GDF7: variants seen among roughly 807,000 people sequenced by gnomAD.
GDF7 encodes the protein growth differentiation factor 7.
Under a neutral mutation model 13.4 loss-of-function variants are expected in GDF7, and 12 were observed. The observed-to-expected ratio is 0.90, with a 90% CI of 0.57 to 1.45. The LOEUF (loss-of-function observed/expected upper bound fraction) is 1.45, where lower values mean the gene tolerates loss of function less well. Ranked by LOEUF, GDF7 falls within the 40% of genes most tolerant of loss-of-function variation. The pLI, the probability that GDF7 is intolerant of heterozygous loss-of-function variation, is 0.00. For missense variants in GDF7, 651 were observed against 652.4 expected (o/e 1.00, Z 0.02); for synonymous variants, 330 against 306.4 (o/e 1.08, Z -0.80).
At chr2:20,670,289 A>G (rs542555700) in intron 1 of GDF7, among the ~76,000 whole-genome samples, 175 bp from the exon 2 acceptor site, 2 of 152,310 alleles carry the variant, frequency 1.3e-5, no homozygotes, top group South Asian at 4.1e-4. Context: ...GCTCTGGGCC[A>G]GGCTGGCAGC....
Position 20,671,089 on chromosome 2 carries a change from G to A in GDF7, c.1017G>A (p.Arg339=). Reference sequence around the variant, plus strand: ...AGGGCAGCGGCGGGGGCGCGGGCCGGGGCCACGGGCGCAGGGGCCGGAGCC... The same window carrying A: ...AGGGCAGCGGCGGGGGCGCGGGCCGAGGCCACGGGCGCAGGGGCCGGAGCC... ...TAQGSGGGAG[R]GHGRRGRSRC... is the part of the protein sequence containing the mutation. Residue 339 remains arginine (R), a synonymous_variant, in exon 2 of 2, where the codon CGG becomes CGA. Coordinates refer to ENST00000272224, the MANE Select transcript of GDF7 (RefSeq NM_182828.4). 2 of 1,546,222 alleles carry A rather than the reference G, an allele frequency of 1.3e-6. No individual in the cohort carries two copies. Among genetic ancestry groups the A allele is most frequent in the Non-Finnish European group, 1.7e-6 (2 of 1,147,304 alleles).
rs1288772264 is a variant in GDF7, at chr2:20,667,358, C to T, written c.119C>T (p.Pro40Leu). 33 of 344,344 alleles carry T rather than the reference C, an allele frequency of 9.6e-5. No homozygotes were observed. The highest frequency in any genetic ancestry group is 1.0e-4 in the Non-Finnish European group (31 of 296,790). The allele number at this position is 344,344 out of a possible 1,614,324, so 21.3% of individuals were successfully genotyped here. Residue 40 changes from proline (P) to leucine (L), a missense_variant, in exon 1 of 2, where the codon CCA becomes CTA. Physicochemically the swap from Pro to Leu is moderately conservative, Grantham distance 98. Around this residue, in one of 4 missense-constraint regions of GDF7, gnomAD observed 61 missense variants for 50.5 expected, o/e 1.21. Transcript: ENST00000272224. The surrounding 1 kb of genome is among the most constrained non-coding windows in gnomAD (Gnocchi z 6.4). ...RAAGAGPVRS[P>L]GGGGGGGGGG... The stretch of plus-strand genomic sequence containing the variant: ...GCGGGGGCTGGGCCGGTCCGGAGCC[C>T]AGGGGGCGGCGGCGGCGGCGGCGGC...
At position 20,671,154 on chromosome 2, in the gene GDF7, T is replaced by C; in HGVS notation, c.1082T>C (p.Leu361Pro). The C allele has an allele frequency of 6.2e-7, 1 of 1,612,548 alleles. No homozygotes were observed. Among genetic ancestry groups the C allele is most frequent in the Non-Finnish European group, 8.5e-7 (1 of 1,179,704 alleles). The change falls in exon 2 of 2, where the codon CTC becomes CCC. Residue 361 changes from leucine to proline, a missense_variant. By Grantham distance (98) the Leu-to-Pro change is moderately conservative. Transcript: ENST00000272224. ...CCGTTGCACGTGGACTTCAAGGAGCTCGGCTGGGACGACTGGATCATCGCG... is the reference window on the plus strand; with the variant it reads ...CCGTTGCACGTGGACTTCAAGGAGCCCGGCTGGGACGACTGGATCATCGCG... Reference protein sequence around the residue: ...RKPLHVDFKELGWDDWIIAPL... With the variant: ...RKPLHVDFKEPGWDDWIIAPL...
rs1662194376 is a variant in GDF7 at position 20,674,959 on chromosome 2, A to G, written c.*3534A>G. The G allele has an allele frequency of 6.6e-6, 1 of 152,302 alleles. No homozygotes were observed. Among genetic ancestry groups the G allele is most frequent in the South Asian group, 2.1e-4 (1 of 4,836 alleles). 9.4% of individuals were successfully genotyped at this position (152,302 alleles called of 1,614,324 possible). A position where few individuals can be genotyped will look rare whatever the true frequency, so the allele number is the denominator to read the frequency against. The stretch of plus-strand genomic sequence containing the variant: ...TGGCAATTTCATTTAAACTCACAGC[A>G]GAAAACAACCAGGATTTGTAGACTG... On this transcript the variant is annotated 3_prime_UTR_variant, in exon 2 of 2. Transcript: ENST00000272224.
chr2:20,667,314 G>A lies in GDF7; in HGVS notation c.75G>A (p.Ala25=). Residue 25 remains alanine (A), a synonymous_variant, in exon 1 of 2, where the codon GCG becomes GCA. Coordinates refer to ENST00000272224, the MANE Select transcript of GDF7 (RefSeq NM_182828.4). The surrounding 1 kb of genome is among the most constrained non-coding windows in gnomAD (Gnocchi z 6.4). The part of the protein sequence containing the change: ...SACRPRDGLE[A]AAVLRAAGAG... Reference sequence around the variant, plus strand: ...GCCGCCCCCGCGACGGGCTGGAAGCGGCCGCCGTGCTGCGAGCGGCGGGGG... The same window carrying A: ...GCCGCCCCCGCGACGGGCTGGAAGCAGCCGCCGTGCTGCGAGCGGCGGGGG... 6.2e-6 allele frequency: 7 copies of A among 1,123,862 alleles called. No individual in the cohort carries two copies. The highest frequency in any genetic ancestry group is 7.6e-6 in the Non-Finnish European group (7 of 918,202). 69.6% of individuals were successfully genotyped at this position (1,123,862 alleles called of 1,614,324 possible).
chr2:20,675,419 A>G lies in GDF7; in HGVS notation c.*3994A>G, dbSNP rs527251580. On this transcript the variant is annotated 3_prime_UTR_variant, in exon 2 of 2. Transcript: ENST00000272224. Reference sequence around the variant, plus strand: ...ACTAGATCCCTCTGGTGGATGGTATATTTGAGCTGCACCAGAGTCAGAGCC... The same window carrying G: ...ACTAGATCCCTCTGGTGGATGGTATGTTTGAGCTGCACCAGAGTCAGAGCC... The G allele has an allele frequency of 6.6e-6, 1 of 152,346 alleles. No homozygotes were observed. The highest frequency in any genetic ancestry group is 2.4e-5 in the African/African-American group (1 of 41,568). 9.4% of individuals were successfully genotyped at this position (152,346 alleles called of 1,614,324 possible). A position where few individuals can be genotyped will look rare whatever the true frequency, so the allele number is the denominator to read the frequency against.
rs1352577745 is a variant in GDF7, at chr2:20,674,506, G to A, written c.*3081G>A. ...GGTCTGTCAAACACAATGATAGCCTGGTCACTGCTGCTTGAAACCAGGGCT... is the reference window on the plus strand; with the variant it reads ...GGTCTGTCAAACACAATGATAGCCTAGTCACTGCTGCTTGAAACCAGGGCT... On this transcript the variant is annotated 3_prime_UTR_variant, in exon 2 of 2. Coordinates refer to ENST00000272224, the MANE Select transcript of GDF7 (RefSeq NM_182828.4). 2 of 152,218 alleles carry A rather than the reference G, an allele frequency of 1.3e-5. No individual in the cohort carries two copies. The highest frequency in any genetic ancestry group is 2.9e-5 in the Non-Finnish European group (2 of 68,072). The allele number at this position is 152,218 out of a possible 1,614,324, so 9.4% of individuals were successfully genotyped here. A position where few individuals can be genotyped will look rare whatever the true frequency, so the allele number is the denominator to read the frequency against.
chr2:20,670,937 C>G lies in GDF7; in HGVS notation c.865C>G (p.Arg289Gly). ...ATTCCGGGAGATCCGCGCCCAGGCC[C>G]GCGCGCTCGGGGCCGCTCTGGCCTC... ...SLFREIRAQA[R>G]ALGAALASEP... is the part of the protein sequence containing the mutation. The change falls in exon 2 of 2, where the codon CGC (arginine) becomes GGC (glycine). Residue 289 changes from arginine to glycine, a missense_variant. By Grantham distance (125) the Arg-to-Gly change is moderately radical. Coordinates refer to ENST00000272224, the MANE Select transcript of GDF7 (RefSeq NM_182828.4). 1.3e-6 allele frequency: 2 copies of G among 1,570,898 alleles called. No individual in the cohort carries two copies. The highest frequency in any genetic ancestry group is 2.4e-5 in the East Asian group (1 of 42,452).
chr2:20,670,171 G>C (rs1662086556), intron 1 of GDF7, among the ~76,000 whole-genome samples: 1 of 152,088 alleles, frequency 6.6e-6, no homozygotes, highest in African/African-American at 2.4e-5. Flanking sequence ...GTGCGCTCCT[G>C]GTCCCGCGGC....
In GDF7 at chr2:20,670,729, C is replaced by T; in HGVS notation, c.657C>T (p.Arg219=). Residue 219 remains arginine (R), a synonymous_variant, in exon 2 of 2, where the codon CGC becomes CGT. Coordinates refer to ENST00000272224, the MANE Select transcript of GDF7 (RefSeq NM_182828.4). ...TCGACGTGGCGGACGCCATGAGGCG[C>T]CACCGTCGTGAACCGCGCCCCCCCC... The part of the protein sequence containing the change: ...EAFDVADAMR[R]HRREPRPPRA... 1 of 1,481,410 alleles carries T rather than the reference C, an allele frequency of 6.8e-7. No individual in the cohort carries two copies. Among genetic ancestry groups the T allele is most frequent in the South Asian group, 1.3e-5 (1 of 76,348 alleles). The allele number at this position is 1,481,410 out of a possible 1,614,324, so 91.8% of individuals were successfully genotyped here.
Position 20,671,703 on chromosome 2 carries a change from C to T in GDF7, c.*278C>T. 1 of 438,658 alleles carries T rather than the reference C, an allele frequency of 2.3e-6. No individual in the cohort carries two copies. 27.2% of individuals were successfully genotyped at this position (438,658 alleles called of 1,614,324 possible). A position where few individuals can be genotyped will look rare whatever the true frequency, so the allele number is the denominator to read the frequency against. On this transcript the variant is annotated 3_prime_UTR_variant, in exon 2 of 2. Coordinates refer to ENST00000272224, the MANE Select transcript of GDF7 (RefSeq NM_182828.4). ...AGATAACCATGGCGCCCACTGCCCC[C>T]ATTTAGGGAGAGGAAGGTGTTTGTG...
rs769598248 is a variant in GDF7 at position 20,678,513 on chromosome 2, C to T, written c.*7088C>T. ...TTGTATACAAATAAAGCAGCAGATCCTTTCTCTGTGAAGGTTGTTGCAGAG... is the reference window on the plus strand; with the variant it reads ...TTGTATACAAATAAAGCAGCAGATCTTTTCTCTGTGAAGGTTGTTGCAGAG... On this transcript the variant is annotated 3_prime_UTR_variant, in exon 2 of 2. Coordinates refer to ENST00000272224, the MANE Select transcript of GDF7 (RefSeq NM_182828.4). 6.6e-6 allele frequency: 1 copy of T among 152,160 alleles called. No homozygotes were observed. The highest frequency in any genetic ancestry group is 1.5e-5 in the Non-Finnish European group (1 of 68,024). 9.4% of individuals were successfully genotyped at this position (152,160 alleles called of 1,614,324 possible).
Position 20,672,183 on chromosome 2 carries a change from G to A in GDF7, c.*758G>A, listed in dbSNP as rs1662139798. 1 of 146,110 alleles carries A rather than the reference G, an allele frequency of 6.8e-6. No individual in the cohort carries two copies. The highest frequency in any genetic ancestry group is 2.6e-5 in the African/African-American group (1 of 38,938). The allele number at this position is 146,110 out of a possible 1,614,324, so 9.1% of individuals were successfully genotyped here. A position where few individuals can be genotyped will look rare whatever the true frequency, so the allele number is the denominator to read the frequency against. On this transcript the variant is annotated 3_prime_UTR_variant, in exon 2 of 2. Coordinates refer to ENST00000272224, the MANE Select transcript of GDF7 (RefSeq NM_182828.4). ...TAGGAAATGTTATGGAAAGTGGAAA[G>A]GATATTTTTCTTTTAAACGGCTGAG...
In GDF7 at chr2:20,667,821, CA is replaced by C. The variant is rs1441984581; in HGVS notation, c.391+192del. 1.3e-5 allele frequency among the ~76,000 whole-genome samples: 2 copies of C among 152,210 alleles called. No homozygotes were observed. Among genetic ancestry groups the C allele is most frequent in the Admixed American group, 1.3e-4 (2 of 15,290 alleles). ...ACCTGGACTGTGGCGAGAGTCGCGG[CA>C]GCTCCCGGGGCCCAGTCCCAGAGGG... On this transcript the variant is annotated intron_variant, in intron 1 of 1. Transcript: ENST00000272224. This position sits in a 1 kb window ranked among gnomAD's most constrained non-coding sequence, Gnocchi z 6.4.
Position 20,670,553 on chromosome 2 carries a change from G to C in GDF7, c.481G>C (p.Val161Leu). ...CGAGGTGGTGGGTGCCGAGCTGCGC[G>C]TGCTGCGCCGGGGATCTCCAGAGTC... ...ADEVVGAELR[V>L]LRRGSPESGP... Residue 161 changes from valine to leucine, a missense_variant, in exon 2 of 2, where the codon GTG becomes CTG. Val to Leu is a conservative substitution (Grantham distance 32). Transcript: ENST00000272224. 1 of 1,607,430 alleles carries C rather than the reference G, an allele frequency of 6.2e-7. No homozygotes were observed. The highest frequency in any genetic ancestry group is 1.1e-5 in the South Asian group (1 of 89,642).
Position 20,667,470 on chromosome 2 carries a change from G to GCCGCC in GDF7, c.231_232insCCGCC (p.Gly78ProfsTer17). ...GGGCCCGCGCCGCGCGCCGCGCCGCGGGCTCCGGCTTCAGGAACGGCTCGG... is the reference window on the plus strand; with the variant it reads ...GGGCCCGCGCCGCGCGCCGCGCCGCGCCGCCGGCTCCGGCTTCAGGAACGGCTCGG... On this transcript the variant is annotated frameshift_variant, in exon 1 of 2. Transcript: ENST00000272224. LOFTEE classifies it high-confidence loss of function. The surrounding 1 kb of genome is among the most constrained non-coding windows in gnomAD (Gnocchi z 6.4). 1.6e-6 allele frequency: 2 copies of GCCGCC among 1,238,592 alleles called. No individual in the cohort carries two copies. The highest frequency in any genetic ancestry group is 2.0e-6 in the Non-Finnish European group (2 of 990,058). The allele number at this position is 1,238,592 out of a possible 1,614,324, so 76.7% of individuals were successfully genotyped here.
chr2:20,677,642 A>G lies in GDF7; in HGVS notation c.*6217A>G, dbSNP rs1662253848. 2 of 152,406 alleles carry G rather than the reference A, an allele frequency of 1.3e-5. No homozygotes were observed. Among genetic ancestry groups the G allele is most frequent in the Admixed American group, 1.3e-4 (2 of 15,306 alleles). The allele number at this position is 152,406 out of a possible 1,614,324, so 9.4% of individuals were successfully genotyped here. On this transcript the variant is annotated 3_prime_UTR_variant, in exon 2 of 2. Transcript: ENST00000272224. ...GCATCCTGCTGAATTAGAAGGAAAC[A>G]GGAACGAATCCAAAGCAAACGGGGC...
At position 20,667,606 on chromosome 2, in the gene GDF7, G is replaced by T; in HGVS notation, c.367G>T (p.Gly123Cys). The change falls in exon 1 of 2, where the codon GGC becomes TGC. Residue 123 changes from glycine to cysteine, a missense_variant. By Grantham distance (159) the Gly-to-Cys change is radical (BLOSUM62 -3). Coordinates refer to ENST00000272224, the MANE Select transcript of GDF7 (RefSeq NM_182828.4). This position sits in a 1 kb window ranked among gnomAD's most constrained non-coding sequence, Gnocchi z 6.4. ...SGHGRADTIT[G>C]FTDQATQDES... The stretch of plus-strand genomic sequence containing the variant: ...CCATGGTCGCGCGGACACGATCACC[G>T]GCTTCACAGACCAGGCGACCCAAGG... 1 of 1,508,174 alleles carries T rather than the reference G, an allele frequency of 6.6e-7. No homozygotes were observed. Among genetic ancestry groups the T allele is most frequent in the Non-Finnish European group, 8.8e-7 (1 of 1,134,630 alleles). 93.4% of individuals were successfully genotyped at this position (1,508,174 alleles called of 1,614,324 possible). A position where few individuals can be genotyped will look rare whatever the true frequency, so the allele number is the denominator to read the frequency against.
rs145064511 is a variant in GDF7, at chr2:20,670,477, C to G, written c.405C>G (p.Ala135=). The change falls in exon 2 of 2, where the codon GCC becomes GCG. Residue 135 remains alanine (A), a synonymous_variant. Coordinates refer to ENST00000272224, the MANE Select transcript of GDF7 (RefSeq NM_182828.4). ...TDQATQDESA[A]ETGQSFLFDV... ...GGTCCCCCGCAGACGAATCGGCAGC[C>G]GAAACAGGCCAGAGCTTCCTGTTCG... 1.5e-5 allele frequency: 23 copies of G among 1,543,732 alleles called. No individual in the cohort carries two copies. The highest frequency in any genetic ancestry group is 2.4e-5 in the South Asian group (2 of 82,080).
Sources: gnomAD v4.1 joint callset for allele counts (sites outside exome capture counted in the v4.1 genomes callset) on GRCh38, gnomAD v4.1.1 for gene constraint, gnomAD v4.1.1 regional missense constraint, Gnocchi (gnomAD v3.1) non-coding constraint, MANE v1.5 for transcripts, NCBI Gene and HGNC (gene_info 2026-07-23, HGNC 2026-07-21) for gene names.